Variants in OTOGL observed in about 807,000 individuals in gnomAD.
OTOGL encodes otogelin like, also known as otogelin-like protein.
In OTOGL, 285 loss-of-function variants were observed where a neutral mutation model predicts 318.5. The observed-to-expected ratio is 0.89, with a 90% CI of 0.81 to 0.99. The LOEUF is 0.99. OTOGL is among the 50% of genes least tolerant of loss of function. OTOGL has a pLI of 0.00. For synonymous variants in OTOGL, 987 were observed against 936.5 expected, an observed-to-expected ratio of 1.05 and a Z score of -0.99; for missense variants, 2,899 against 2,845.6, an observed-to-expected ratio of 1.02 and a Z score of -0.43.
At chr12:80,347,817 T>C (rs542391227) in intron 44 of OTOGL, among the ~76,000 whole-genome samples, 4 of 152,336 alleles carry the variant, frequency 2.6e-5, no homozygotes, top group South Asian at 4.1e-4. Context: ...CCATTCTAAC[T>C]GGTGTGAGAT....
At chr12:80,326,268 C>T (rs1160431577) in intron 35 of OTOGL, among the ~76,000 whole-genome samples, 2 of 151,876 alleles carry the variant, frequency 1.3e-5, no homozygotes, top group Non-Finnish European at 2.9e-5. Flanking sequence ...AAAATTAGAG[C>T]TTTTACGAGA....
At chr12:80,174,368 T>A (rs1415207807) in intron 1 of OTOGL, among the ~76,000 whole-genome samples, 1 of 152,206 alleles carries the variant, frequency 6.6e-6, no homozygotes, top group Non-Finnish European at 1.5e-5. Context: ...CAGTCTCCCA[T>A]TTTTACTAAA....
intron 18 of OTOGL, 83 bp from the exon 19 acceptor site, chr12:80,261,886 A>T: frequency 6.9e-7 from 1 of 1,446,056 alleles, no homozygotes; most frequent in South Asian, 1.5e-5. Context: ...TATGAAAAAT[A>T]GTATTCTCTT....
intron 1 of OTOGL, among the ~76,000 whole-genome samples, chr12:80,147,884 C>T (rs1200199919): frequency 4.6e-5 from 7 of 151,896 alleles, no homozygotes; most frequent in Non-Finnish European, 7.4e-5. Flanking sequence ...CAACCCCTGC[C>T]TTTTTTTGTT....
At position 80,233,367 on chromosome 12, in the gene OTOGL, G is replaced by A. The variant is rs114175333; in HGVS notation, c.817+270G>A. On this transcript the variant is annotated intron_variant, in intron 9 of 58. Coordinates refer to ENST00000547103, the MANE Select transcript of OTOGL (RefSeq NM_001378609.3). ...AGCATTTGCTTTGGGTCAGAAGGTC[G>A]GGATACCTCTGTATCCACTGCTTTA... 6.2e-3 allele frequency among the ~76,000 whole-genome samples: 939 copies of A among 152,268 alleles called. 13 individuals carry two copies. The highest frequency in any genetic ancestry group is 0.022 in the African/African-American group (900 of 41,542).
At chr12:80,181,331 T>TTCTCTC (rs57549257) in intron 1 of OTOGL, among the ~76,000 whole-genome samples, 1,824 of 149,238 alleles carry the variant, frequency 0.012, 37 homozygotes, top group African/African-American at 0.04. Context: ...TTAAATTTAC[T>TTCTCTC]TCTCTCTCTC....
At chr12:80,145,379 G>A (rs542407216) in intron 1 of OTOGL, among the ~76,000 whole-genome samples, 5,363 of 151,978 alleles carry the variant, frequency 0.035, 112 homozygotes, top group South Asian at 0.087. Context: ...GATATGCGGC[G>A]TTATTTCTGA....
intron 11 of OTOGL, among the ~76,000 whole-genome samples, chr12:80,247,079 A>T (rs11519740): frequency 8.2e-6 from 1 of 122,656 alleles, no homozygotes; most frequent in South Asian, 2.5e-4. Flanking sequence ...TCTTGCTAGC[A>T]GTCTATCAAT....
chr12:80,373,390 C>T (rs777484775), intron 57 of OTOGL, among the ~76,000 whole-genome samples: 1 of 152,052 alleles, frequency 6.6e-6, no homozygotes, highest in Non-Finnish European at 1.5e-5. Flanking sequence ...CAAGATCACG[C>T]CACTGCACTC....
intron 1 of OTOGL, among the ~76,000 whole-genome samples, chr12:80,125,618 AG>A (rs1395925816): frequency 1.3e-5 from 2 of 152,224 alleles, no homozygotes; most frequent in Non-Finnish European, 2.9e-5. Flanking sequence ...GAATGGTACC[AG>A]CTCCTCCTTG....
intron 1 of OTOGL, among the ~76,000 whole-genome samples, chr12:80,193,001 C>T (rs953399064): frequency 1.1e-4 from 16 of 145,056 alleles, no homozygotes; most frequent in Admixed American, 1.4e-4. Flanking sequence ...AAAAAAAAAA[C>T]CGAATCAGTT....
chr12:80,277,476 A>ATATT (rs71094972), intron 24 of OTOGL, among the ~76,000 whole-genome samples: 105,866 of 146,768 alleles, frequency 0.72, 39,127 homozygotes, highest in East Asian at 0.94. Context: ...ACTTAATTAT[A>ATATT]TATATTTAAA....
Position 80,353,419 on chromosome 12 carries a change from C to T in OTOGL, c.5502C>T (p.Ser1834=), listed in dbSNP as rs372006140. 2.6e-5 allele frequency: 42 copies of T among 1,603,656 alleles called. No individual in the cohort carries two copies. The African/African-American group carries it at 5.3e-4, about 20-fold the overall frequency. Residue 1834 remains serine (S), a synonymous_variant, in exon 46 of 59, where the codon TCC becomes TCT. Transcript: ENST00000547103. ...CLNQWFYGHT[S]CLNLREDCVC... ...ACCAATGGTTCTATGGACACACTTC[C>T]TGTTTGAATCTAAGAGAAGACTGTG...
intron 1 of OTOGL, among the ~76,000 whole-genome samples, chr12:80,168,602 C>A (rs533433690): frequency 5.3e-5 from 8 of 152,214 alleles, no homozygotes; most frequent in Non-Finnish European, 1.0e-4. Flanking sequence ...ATAAGTTTGT[C>A]CTGGAAAAAT....
intron 10 of OTOGL, 68 bp from the exon 11 acceptor site, chr12:80,239,264 TA>T: frequency 8.1e-7 from 1 of 1,238,042 alleles, no homozygotes. Flanking sequence ...AATAGATCTG[TA>T]AAAATAATAG....
At chr12:80,126,537 C>T (rs1870850995) in intron 1 of OTOGL, among the ~76,000 whole-genome samples, 3 of 152,094 alleles carry the variant, frequency 2.0e-5, no homozygotes, top group African/African-American at 7.2e-5. Flanking sequence ...GTGGAGAGTT[C>T]TGTAGATGTC....
chr12:80,144,343 A>T (rs1156787092), intron 1 of OTOGL, among the ~76,000 whole-genome samples: 2 of 151,480 alleles, frequency 1.3e-5, no homozygotes, highest in Non-Finnish European at 2.9e-5. Flanking sequence ...ACTGAGAATG[A>T]TGATTTCCAA....
intron 1 of OTOGL, among the ~76,000 whole-genome samples, chr12:80,182,860 C>T (rs1875022705): frequency 6.6e-6 from 1 of 152,142 alleles, no homozygotes; most frequent in African/African-American, 2.4e-5. Flanking sequence ...ATAAAGTTTG[C>T]ACTTGGAAAG....
rs144031126 is a variant in OTOGL, at chr12:80,180,969, G to A, written c.-19-28444G>A. Among the ~76,000 whole-genome samples, 274 of 152,282 alleles carry A rather than the reference G, an allele frequency of 1.8e-3. 2 individuals carry two copies. Among genetic ancestry groups the A allele is most frequent in the African/African-American group, 6.4e-3 (268 of 41,570 alleles). Reference sequence around the variant, plus strand: ...AACTATGGGGAATTTAGACAAGGCAGTAGTTCTGGTGGTTAAGGTGAGGCA... The same window carrying A: ...AACTATGGGGAATTTAGACAAGGCAATAGTTCTGGTGGTTAAGGTGAGGCA... On this transcript the variant is annotated intron_variant, in intron 1 of 58. Coordinates refer to ENST00000547103, the MANE Select transcript of OTOGL (RefSeq NM_001378609.3).
Sources: gnomAD v4.1 joint callset for allele counts (sites outside exome capture counted in the v4.1 genomes callset) on GRCh38, gnomAD v4.1.1 for gene constraint, MANE v1.5 for transcripts, NCBI Gene and HGNC (gene_info 2026-07-23, HGNC 2026-07-21) for gene names.